Variants in CNTNAP4 observed in about 807,000 individuals in gnomAD.
CNTNAP4 encodes the protein contactin-associated protein-like 4.
In CNTNAP4, 98 loss-of-function variants were observed where a neutral mutation model predicts 148.4. The observed-to-expected ratio is 0.66, with a 90% CI of 0.56 to 0.78. The LOEUF (loss-of-function observed/expected upper bound fraction) is 0.78, where lower values mean the gene tolerates loss of function less well. Ranked by LOEUF, CNTNAP4 falls within the 30% of genes least tolerant of loss-of-function variation. The probability of loss-of-function intolerance (pLI) is 0.00; values close to 1 mark genes in which losing one functional copy is unlikely to be tolerated. For synonymous variants in CNTNAP4, 730 were observed against 565.1 expected, an observed-to-expected ratio of 1.29 and a Z score of -4.14; for missense variants, 1,935 against 1,565.6, an observed-to-expected ratio of 1.24 and a Z score of -3.98.
chr16:76,351,509 G>A (rs61245681), intron 2 of CNTNAP4, among the ~76,000 whole-genome samples: 19,824 of 152,170 alleles, frequency 0.13, 2,005 homozygotes, highest in East Asian at 0.47. Flanking sequence ...AATACCATGT[G>A]CATCTGCAGA....
Position 76,540,744 on chromosome 16 carries a change from C to A in CNTNAP4, c.3396C>A (p.Gly1132=). 1 of 1,577,478 alleles carries A rather than the reference C, an allele frequency of 6.3e-7. No individual in the cohort carries two copies. The highest frequency in any genetic ancestry group is 8.6e-7 in the Non-Finnish European group (1 of 1,159,686). Residue 1132 remains glycine (G), a synonymous_variant, in exon 21 of 24, where the codon GGC becomes GGA. Coordinates refer to ENST00000611870, the MANE Select transcript of CNTNAP4 (RefSeq NM_033401.5). ...GGAGACAAGTTCACCTGTCATCAGG[C>A]ACAGAATTCAGTGCAGTCAAATCTC... ...NRRRQVHLSS[G]TEFSAVKSLV...
At chr16:76,333,572 T>TA (rs1225926254) in intron 2 of CNTNAP4, among the ~76,000 whole-genome samples, 1 of 152,190 alleles carries the variant, frequency 6.6e-6, no homozygotes, top group African/African-American at 2.4e-5. Context: ...AATCCATGTT[T>TA]AGTTGATCCA....
chr16:76,479,670 CTG>C (rs2081740826), intron 12 of CNTNAP4, 132 bp downstream of exon 12: 1 of 867,280 alleles, frequency 1.2e-6, no homozygotes, highest in Admixed American at 3.3e-5. Flanking sequence ...CTTAGAAAAA[CTG>C]AACATAAATC....
At chr16:76,366,128 A>G (rs2014093449) in intron 3 of CNTNAP4, among the ~76,000 whole-genome samples, 1 of 152,148 alleles carries the variant, frequency 6.6e-6, no homozygotes, top group Non-Finnish European at 1.5e-5. Flanking sequence ...GTGTCAAATT[A>G]TAAAAAATTT....
chr16:76,472,512 G>A (rs1478504324), intron 10 of CNTNAP4, among the ~76,000 whole-genome samples: 7 of 150,986 alleles, frequency 4.6e-5, no homozygotes, highest in Non-Finnish European at 8.9e-5. Flanking sequence ...ATAGCCTTTG[G>A]TTTTACGTTC....
intron 19 of CNTNAP4, among the ~76,000 whole-genome samples, chr16:76,539,303 T>G (rs143837423): frequency 6.6e-6 from 1 of 152,174 alleles, no homozygotes; most frequent in Non-Finnish European, 1.5e-5. Context: ...AAAACTACAT[T>G]TGTGTTTAAT....
intron 4 of CNTNAP4, among the ~76,000 whole-genome samples, chr16:76,436,501 G>GATA (rs2079832650): frequency 6.6e-6 from 1 of 152,126 alleles, no homozygotes; most frequent in African/African-American, 2.4e-5. Flanking sequence ...CTCTAAAGGA[G>GATA]ATAAGACTCT....
chr16:76,434,453 A>C (rs1279900726), intron 4 of CNTNAP4, among the ~76,000 whole-genome samples: 1 of 152,200 alleles, frequency 6.6e-6, no homozygotes. Flanking sequence ...GGAGCAGGCA[A>C]TGAAACCACA....
intron 2 of CNTNAP4, among the ~76,000 whole-genome samples, chr16:76,326,785 A>T (rs547153856): frequency 3.2e-4 from 38 of 117,370 alleles, no homozygotes; most frequent in African/African-American, 1.1e-3. Flanking sequence ...AACATCACAC[A>T]CCGGGGCCTG....
At chr16:76,496,085 TTG>T (rs5817999) in intron 14 of CNTNAP4, among the ~76,000 whole-genome samples, 1,481 of 140,144 alleles carry the variant, frequency 0.011, 31 homozygotes, top group African/African-American at 0.035. Flanking sequence ...CAAGATTATG[TTG>T]TGTGTGTGTG....
At chr16:76,382,229 T>C (rs2016057498) in intron 3 of CNTNAP4, among the ~76,000 whole-genome samples, 1 of 152,040 alleles carries the variant, frequency 6.6e-6, no homozygotes, top group East Asian at 1.9e-4. Flanking sequence ...AAATTAAATA[T>C]AAAGCCATTT....
chr16:76,332,343 C>T (rs1423097913), intron 2 of CNTNAP4, among the ~76,000 whole-genome samples: 1 of 152,078 alleles, frequency 6.6e-6, no homozygotes, highest in South Asian at 2.1e-4. Flanking sequence ...TCACTGCAGC[C>T]TCCACCTCTT....
chr16:76,539,618 C>T (rs535381214), intron 19 of CNTNAP4, 101 bp from the exon 20 acceptor site: 8 of 991,020 alleles, frequency 8.1e-6, no homozygotes, highest in African/African-American at 3.4e-5. Context: ...ATTTTTCCCT[C>T]GAAATGAATA....
intron 21 of CNTNAP4, among the ~76,000 whole-genome samples, chr16:76,541,611 T>C (rs1455533279): frequency 6.6e-6 from 1 of 152,230 alleles, no homozygotes; most frequent in Non-Finnish European, 1.5e-5. Flanking sequence ...TTTTGACCTT[T>C]GCAGTTATTT....
chr16:76,419,037 G>A (rs1452314804), intron 3 of CNTNAP4, among the ~76,000 whole-genome samples: 1 of 151,940 alleles, frequency 6.6e-6, no homozygotes, highest in East Asian at 1.9e-4. Context: ...TTGTGTGGTG[G>A]TTCGATGTGT....
intron 3 of CNTNAP4, among the ~76,000 whole-genome samples, chr16:76,366,904 A>G (rs1446522610): frequency 6.6e-6 from 1 of 152,180 alleles, no homozygotes; most frequent in Non-Finnish European, 1.5e-5. Context: ...AAAAGATAAT[A>G]TTATAAAGCT....
chr16:76,334,113 A>G (rs1963803366), intron 2 of CNTNAP4, among the ~76,000 whole-genome samples: 1 of 151,826 alleles, frequency 6.6e-6, no homozygotes, highest in Non-Finnish European at 1.5e-5. Context: ...GCACACCAAC[A>G]TGGCACATGT....
rs1310462318 is a variant in CNTNAP4 at position 76,560,031 on chromosome 16, A to G, written c.*1348A>G. 2.6e-5 allele frequency among the ~76,000 whole-genome samples: 4 copies of G among 152,202 alleles called. No individual in the cohort carries two copies. The highest frequency in any genetic ancestry group is 4.8e-5 in the African/African-American group (2 of 41,466). On this transcript the variant is annotated 3_prime_UTR_variant, in exon 24 of 24. Coordinates refer to ENST00000611870, the MANE Select transcript of CNTNAP4 (RefSeq NM_033401.5). ...GTACATTCTGATTAGGGTGTATTAT[A>G]CACTAGGAGATCAAAGAATGATCAA...
At chr16:76,338,737 C>T (rs1964222586) in intron 2 of CNTNAP4, among the ~76,000 whole-genome samples, 1 of 152,122 alleles carries the variant, frequency 6.6e-6, no homozygotes, top group African/African-American at 2.4e-5. Flanking sequence ...TCAGGGTTTG[C>T]CTGACTTTAC....
Sources: gnomAD v4.1 joint callset for allele counts (sites outside exome capture counted in the v4.1 genomes callset) on GRCh38, gnomAD v4.1.1 for gene constraint, MANE v1.5 for transcripts, NCBI Gene and HGNC (gene_info 2026-07-23, HGNC 2026-07-21) for gene names.